The following ATP8A2 variants were observed in gnomAD, a reference collection of about 807,000 sequenced individuals.
The protein encoded by ATP8A2 is phospholipid-transporting ATPase IB.
In ATP8A2, 100 loss-of-function variants were observed where a neutral mutation model predicts 165.6. The ratio of observed to expected loss-of-function variants is 0.60; its 90% CI spans 0.51 to 0.71. The LOEUF is 0.71. Ranked by LOEUF, ATP8A2 falls within the 30% of genes least tolerant of loss-of-function variation. The pLI, the probability that ATP8A2 is intolerant of heterozygous loss-of-function variation, is 0.00. For synonymous variants in ATP8A2, 543 were observed against 548.8 expected, an observed-to-expected ratio of 0.99 and a Z score of 0.15; for missense variants, 1,227 against 1,479.5, an observed-to-expected ratio of 0.83 and a Z score of 2.80.
chr13:25,961,647 G>T lies in ATP8A2; in HGVS notation c.3256G>T (p.Asp1086Tyr). The change falls in exon 34 of 37, where the codon GAT (aspartate) becomes TAT (tyrosine). Residue 1086 changes from aspartate to tyrosine, a missense_variant. Asp to Tyr is a radical substitution (Grantham distance 160). Coordinates refer to ENST00000381655, the MANE Select transcript of ATP8A2 (RefSeq NM_016529.6). ...GGTTCCTACTGCCTGTTTGATTGAA[G>T]ATGTGGCATGGAGAGCGTAAGTTTA... ...FLVPTACLIE[D>Y]VAWRAAKHTC... 1 of 1,613,584 alleles carries T rather than the reference G, an allele frequency of 6.2e-7. No individual in the cohort carries two copies. The highest frequency in any genetic ancestry group is 8.5e-7 in the Non-Finnish European group (1 of 1,179,554).
intron 35 of ATP8A2, among the ~76,000 whole-genome samples, chr13:26,003,203 T>G (rs571499483): frequency 6.6e-6 from 1 of 152,064 alleles, no homozygotes; most frequent in South Asian, 2.1e-4. Flanking sequence ...GCTTTCTTTT[T>G]TTTTTTTTAA....
chr13:25,435,301 A>C (rs149605629), intron 1 of ATP8A2, among the ~76,000 whole-genome samples: 1 of 152,030 alleles, frequency 6.6e-6, no homozygotes, highest in Non-Finnish European at 1.5e-5. Context: ...TTGTATTTTT[A>C]GTAGAGACGG....
intron 25 of ATP8A2, among the ~76,000 whole-genome samples, chr13:25,711,029 G>C (rs1355806009): frequency 6.6e-6 from 1 of 152,060 alleles, no homozygotes; most frequent in Non-Finnish European, 1.5e-5. Context: ...TTCTGAGTCA[G>C]AGTCTCACTC....
chr13:25,551,390 T>G lies in ATP8A2; in HGVS notation c.944T>G (p.Val315Gly). The G allele has an allele frequency of 6.2e-7, 1 of 1,614,154 alleles. No homozygotes were observed. Among genetic ancestry groups the G allele is most frequent in the Non-Finnish European group, 8.5e-7 (1 of 1,180,004 alleles). Residue 315 changes from valine to glycine, a missense_variant, in exon 11 of 37, where the codon GTG (valine) becomes GGG (glycine). By Grantham distance (109) the Val-to-Gly change is moderately radical. This residue lies in a region of ATP8A2 where 356 missense variants were observed against 394.9 expected (regional missense o/e 0.90). Transcript: ENST00000381655. Reference sequence around the variant, plus strand: ...TCAAATGTTGAGAAGGTGACTAACGTGCAGATCCTGGTGTTGTTTGGCATC... The same window carrying G: ...TCAAATGTTGAGAAGGTGACTAACGGGCAGATCCTGGTGTTGTTTGGCATC... Reference protein sequence around the residue: ...KRSNVEKVTNVQILVLFGILL... With the variant: ...KRSNVEKVTNGQILVLFGILL...
At chr13:25,660,831 G>C (rs1033019091) in intron 24 of ATP8A2, among the ~76,000 whole-genome samples, 2 of 152,086 alleles carry the variant, frequency 1.3e-5, no homozygotes, top group East Asian at 3.9e-4. Flanking sequence ...TGCTGCTACT[G>C]GGGATCCCGG....
At chr13:25,923,672 C>G (rs888952221) in intron 33 of ATP8A2, among the ~76,000 whole-genome samples, 2 of 150,854 alleles carry the variant, frequency 1.3e-5, no homozygotes, top group Admixed American at 6.6e-5. Flanking sequence ...GTCCCTCTGT[C>G]CCCTAGAAGA....
intron 27 of ATP8A2, among the ~76,000 whole-genome samples, chr13:25,791,855 G>A (rs1366773508): frequency 6.6e-6 from 1 of 152,166 alleles, no homozygotes; most frequent in African/African-American, 2.4e-5. Context: ...TTGCTGCTGA[G>A]TATATTTTCA....
In ATP8A2 at chr13:25,645,654, A is replaced by G. The variant is rs58884044; in HGVS notation, c.2212-53519A>G. ...TTTCAATATATTTTTAAATTTTCCT[A>G]TAATTTATTTATTGATCCATTGGTT... On this transcript the variant is annotated intron_variant, in intron 24 of 36. Transcript: ENST00000381655. Among the ~76,000 whole-genome samples, 2,618 of 152,160 alleles carry G rather than the reference A, an allele frequency of 0.017. 197 individuals carry two copies. In the East Asian group the frequency reaches 0.24, roughly 14 times the overall value.
rs1085307694 is a variant in ATP8A2 at position 25,577,140 on chromosome 13, T to C, written c.1782+2T>C. On this transcript the variant is annotated splice_donor_variant, in intron 20 of 36. Transcript: ENST00000381655. LOFTEE classifies it high-confidence loss of function. ...CTTCGGCTTTACTGTAAAGGGGCTG[T>C]AAGTACCGGAGAAGCGTTGTGCGTA... The C allele has an allele frequency of 6.2e-7, 1 of 1,613,464 alleles. No individual in the cohort carries two copies. Among genetic ancestry groups the C allele is most frequent in the South Asian group, 1.1e-5 (1 of 91,068 alleles).
At chr13:25,768,984 G>A in intron 25 of ATP8A2, 62 bp from the exon 26 acceptor site, 1 of 1,476,092 alleles carries the variant, frequency 6.8e-7, no homozygotes, top group Non-Finnish European at 9.5e-7. Context: ...GCGGAATGTA[G>A]ATTACAGCTG....
At chr13:25,936,791 C>T (rs1319719572) in intron 33 of ATP8A2, among the ~76,000 whole-genome samples, 2 of 152,166 alleles carry the variant, frequency 1.3e-5, no homozygotes, top group Non-Finnish European at 2.9e-5. Flanking sequence ...TCTGGTTGTC[C>T]TGGAGTTTCT....
chr13:25,752,151 TATTTATCCTAAGAA>T (rs1358492662), intron 25 of ATP8A2, among the ~76,000 whole-genome samples: 2 of 152,002 alleles, frequency 1.3e-5, no homozygotes, highest in African/African-American at 2.4e-5. Flanking sequence ...GCAGCTTGGC[TATTTATCCTAAGAA>T]ATTTATCCTA....
intron 24 of ATP8A2, 79 bp from the exon 25 acceptor site, chr13:25,699,094 A>C: frequency 8.4e-7 from 1 of 1,186,068 alleles, no homozygotes. Flanking sequence ...TCATTTCAAG[A>C]AACTTAATTT....
At chr13:25,819,132 C>T (rs1341759739) in intron 27 of ATP8A2, among the ~76,000 whole-genome samples, 1 of 152,038 alleles carries the variant, frequency 6.6e-6, no homozygotes, top group Non-Finnish European at 1.5e-5. Flanking sequence ...TGTAAACATA[C>T]AGCATTTTTG....
At chr13:25,559,978 C>T (rs936710623) in intron 15 of ATP8A2, among the ~76,000 whole-genome samples, 2 of 152,084 alleles carry the variant, frequency 1.3e-5, no homozygotes, top group African/African-American at 4.8e-5. Flanking sequence ...CGGGCATGCA[C>T]CACCATGCCT....
At chr13:25,689,636 G>A (rs372275787) in intron 24 of ATP8A2, among the ~76,000 whole-genome samples, 2 of 152,272 alleles carry the variant, frequency 1.3e-5, no homozygotes, top group East Asian at 3.9e-4. Flanking sequence ...AGGTTATTAT[G>A]TTCATAGTAA....
intron 25 of ATP8A2, among the ~76,000 whole-genome samples, chr13:25,732,560 T>C (rs1333019127): frequency 6.6e-6 from 1 of 152,194 alleles, no homozygotes; most frequent in Non-Finnish European, 1.5e-5. Flanking sequence ...ATGAAGTGAA[T>C]CATTTAAAGA....
At chr13:25,469,798 G>T (rs1180596181) in intron 2 of ATP8A2, among the ~76,000 whole-genome samples, 1 of 152,106 alleles carries the variant, frequency 6.6e-6, no homozygotes, top group Non-Finnish European at 1.5e-5. Context: ...TAAATGGCAG[G>T]GCTGGAAATT....
intron 24 of ATP8A2, among the ~76,000 whole-genome samples, chr13:25,609,116 A>C (rs2040589721): frequency 6.6e-6 from 1 of 152,172 alleles, no homozygotes; most frequent in Non-Finnish European, 1.5e-5. Flanking sequence ...ACAATTTAAA[A>C]TGTTAATAAA....
Sources: gnomAD v4.1 joint callset for allele counts (sites outside exome capture counted in the v4.1 genomes callset) on GRCh38, gnomAD v4.1.1 for gene constraint, gnomAD v4.1.1 regional missense constraint, MANE v1.5 for transcripts, NCBI Gene and HGNC (gene_info 2026-07-23, HGNC 2026-07-21) for gene names.